UBE3D: variants seen among roughly 807,000 people sequenced by gnomAD.
UBE3D encodes the protein ubiquitin protein ligase E3D, also known as E3 ubiquitin-protein ligase E3D.
Under a neutral mutation model 49.6 loss-of-function variants are expected in UBE3D, and 48 were observed. The ratio of observed to expected loss-of-function variants is 0.97; its 90% CI spans 0.77 to 1.23. The LOEUF (loss-of-function observed/expected upper bound fraction) is 1.23, where lower values mean the gene tolerates loss of function less well. Ranked by LOEUF, UBE3D falls within the 50% of genes most tolerant of loss-of-function variation. The probability of loss-of-function intolerance (pLI) is 0.00; values close to 1 mark genes in which losing one functional copy is unlikely to be tolerated. For synonymous variants in UBE3D, 189 were observed against 174.2 expected, an observed-to-expected ratio of 1.08 and a Z score of -0.67; for missense variants, 452 against 468.4, an observed-to-expected ratio of 0.96 and a Z score of 0.32.
At chr6:83,026,088 C>T (rs915908947) in intron 5 of UBE3D, among the ~76,000 whole-genome samples, 5 of 151,912 alleles carry the variant, frequency 3.3e-5, no homozygotes, top group African/African-American at 9.7e-5. Context: ...TAACTGCATG[C>T]ATGTTTCAAA....
chr6:82,981,082 T>C (rs934095840), intron 8 of UBE3D, among the ~76,000 whole-genome samples: 1 of 152,130 alleles, frequency 6.6e-6, no homozygotes, highest in African/African-American at 2.4e-5. Context: ...GTACCTTATA[T>C]GTTATCCAAT....
chr6:83,024,636 C>T (rs1296195851), intron 5 of UBE3D, among the ~76,000 whole-genome samples: 5 of 152,104 alleles, frequency 3.3e-5, no homozygotes, highest in African/African-American at 1.2e-4. Context: ...AGTTAAAACT[C>T]TATTGATCAC....
intron 3 of UBE3D, among the ~76,000 whole-genome samples, chr6:83,047,802 G>A (rs1371869811): frequency 6.6e-6 from 1 of 152,190 alleles, no homozygotes; most frequent in Non-Finnish European, 1.5e-5. Flanking sequence ...TCTGCATTAA[G>A]CCGGGCTCGG....
In UBE3D at chr6:82,927,032, G is replaced by A. The variant is rs147509675; in HGVS notation, c.1149+30280C>T. Among the ~76,000 whole-genome samples, 936 of 152,196 alleles carry A rather than the reference G, an allele frequency of 6.1e-3. 12 individuals carry two copies. Among genetic ancestry groups the A allele is most frequent in the African/African-American group, 0.021 (883 of 41,556 alleles). On this transcript the variant is annotated intron_variant, in intron 9 of 9. Coordinates refer to ENST00000369747, the MANE Select transcript of UBE3D (RefSeq NM_198920.3). ...TTCTGAACTGACTTTTGTAAAGGGT[G>A]TAAAGTCTGTATCTAGATTCATTGT...
Position 83,044,607 on chromosome 6 carries a change from C to A in UBE3D, c.418G>T (p.Gly140Ter). Residue 140 changes from glycine to a stop codon, truncating the protein, a stop_gained, in exon 4 of 10, where the codon GGA (glycine) becomes TGA (stop). Transcript: ENST00000369747. LOFTEE classifies it high-confidence loss of function. ...GGGTCAGGATGACAACACCATTCTC[C>A]AACTAGAGCTCCCCAGTTCTCACTC... Reference protein sequence around the residue: ...LPSENWGALVGEWCCHPDPFA... With the variant: ...LPSENWGALV The A allele has an allele frequency of 6.2e-7, 1 of 1,614,138 alleles. No homozygotes were observed. Among genetic ancestry groups the A allele is most frequent in the East Asian group, 2.2e-5 (1 of 44,880 alleles).
At chr6:83,046,731 A>C (rs1783085895) in intron 3 of UBE3D, among the ~76,000 whole-genome samples, 1 of 150,618 alleles carries the variant, frequency 6.6e-6, no homozygotes, top group African/African-American at 2.5e-5. Context: ...TATTTAAGAA[A>C]AGTGTTAGCC....
chr6:82,896,054 T>C (rs960248295), intron 9 of UBE3D, among the ~76,000 whole-genome samples: 32 of 152,222 alleles, frequency 2.1e-4, no homozygotes, highest in African/African-American at 7.5e-4. Context: ...GAGCACATTA[T>C]GTATTTTTAA....
chr6:83,012,311 C>T (rs907669772), intron 8 of UBE3D, among the ~76,000 whole-genome samples: 5 of 152,198 alleles, frequency 3.3e-5, no homozygotes, highest in African/African-American at 1.2e-4. Context: ...ATATAATCAA[C>T]CTGACACCAA....
At chr6:82,893,094 T>C (rs1238154289) in intron 9 of UBE3D, 52 bp from the exon 10 acceptor site, 4 of 1,603,644 alleles carry the variant, frequency 2.5e-6, no homozygotes, top group African/African-American at 2.7e-5. Flanking sequence ...TATGACAAAA[T>C]GGCTGCATGT....
chr6:83,044,470 T>C lies in UBE3D; in HGVS notation c.555A>G (p.Pro185=). 1 of 1,614,128 alleles carries C rather than the reference T, an allele frequency of 6.2e-7. No homozygotes were observed. The highest frequency in any genetic ancestry group is 8.5e-7 in the Non-Finnish European group (1 of 1,179,996). The change falls in exon 4 of 10, where the codon CCA becomes CCG. Residue 185 remains proline (P), a synonymous_variant. Transcript: ENST00000369747. The stretch of plus-strand genomic sequence containing the variant: ...CAGAAGAAACACAGCACATCTCCAC[T>C]GGGGATAGTTCAGGTCTTTGCTGCC... ...SLWQQRPELS[P]VEMCCVSSDN...
At chr6:82,982,849 A>G (rs530302423) in intron 8 of UBE3D, among the ~76,000 whole-genome samples, 1 of 152,250 alleles carries the variant, frequency 6.6e-6, no homozygotes, top group South Asian at 2.1e-4. Flanking sequence ...AACTTCCCCT[A>G]ATCACATATT....
chr6:82,976,280 T>C lies in UBE3D; in HGVS notation c.1011-18830A>G, dbSNP rs537951203. 2.0e-5 allele frequency among the ~76,000 whole-genome samples: 3 copies of C among 152,304 alleles called. No homozygotes were observed. The East Asian group carries it at 5.8e-4, about 29-fold the overall frequency. On this transcript the variant is annotated intron_variant, in intron 8 of 9. Transcript: ENST00000369747. ...TAATAGCCTGGTGCTATGGTCCCATTAGGTCTTGCAACTTAATCAGAGCCA... is the reference window on the plus strand; with the variant it reads ...TAATAGCCTGGTGCTATGGTCCCATCAGGTCTTGCAACTTAATCAGAGCCA...
intron 8 of UBE3D, among the ~76,000 whole-genome samples, chr6:82,965,177 T>A (rs956097123): frequency 3.9e-5 from 6 of 152,178 alleles, no homozygotes; most frequent in Admixed American, 3.3e-4. Flanking sequence ...AATAAGGCAG[T>A]CTCAAAATTA....
intron 8 of UBE3D, among the ~76,000 whole-genome samples, chr6:82,964,423 G>A (rs542679387): frequency 6.6e-5 from 10 of 152,206 alleles, no homozygotes; most frequent in African/African-American, 2.4e-4. Context: ...ATATTATTGT[G>A]TAGAGAAGAA....
At chr6:83,027,456 A>AAAAAAAAAAAAAAAAAAAAAAAAAAT in intron 5 of UBE3D, among the ~76,000 whole-genome samples, 1 of 148,182 alleles carries the variant, frequency 6.7e-6, no homozygotes, top group Non-Finnish European at 1.5e-5. Context: ...AAAAAAAAAA[A>AAAAAAAAAAAAAAAAAAAAAAAAAAT]AAAAAGAAAC....
At chr6:82,945,120 G>A (rs914996275) in intron 9 of UBE3D, among the ~76,000 whole-genome samples, 2 of 152,204 alleles carry the variant, frequency 1.3e-5, no homozygotes, top group East Asian at 3.9e-4. Flanking sequence ...AGCAAACATA[G>A]GTGTTGGCCA....
intron 8 of UBE3D, among the ~76,000 whole-genome samples, chr6:82,985,357 T>C (rs1358712788): frequency 6.6e-6 from 1 of 151,694 alleles, no homozygotes; most frequent in Non-Finnish European, 1.5e-5. Flanking sequence ...TGTTTTTTTG[T>C]TTTGTTTTGT....
At chr6:83,009,573 G>GA (rs542286786) in intron 8 of UBE3D, among the ~76,000 whole-genome samples, 144 of 148,230 alleles carry the variant, frequency 9.7e-4, no homozygotes, top group African/African-American at 3.5e-3. Context: ...CATTAATAGA[G>GA]AAAAAACAAG....
intron 8 of UBE3D, among the ~76,000 whole-genome samples, chr6:82,975,670 T>C (rs1231816119): frequency 6.6e-6 from 1 of 152,162 alleles, no homozygotes; most frequent in African/African-American, 2.4e-5. Flanking sequence ...ACTGATCAAG[T>C]CATCTTAACA....
Sources: allele counts gnomAD v4.1 joint callset (sites outside exome capture counted in the v4.1 genomes callset), GRCh38; gene constraint gnomAD v4.1.1; transcripts MANE v1.5; gene names NCBI Gene and HGNC (gene_info 2026-07-23, HGNC 2026-07-21).